PLA2R1: variants seen among roughly 807,000 people sequenced by gnomAD.
The protein encoded by PLA2R1 is phospholipase A2 receptor 1, also known as secretory phospholipase A2 receptor.
In PLA2R1, 158 loss-of-function variants were observed where a neutral mutation model predicts 195.9. The observed-to-expected ratio is 0.81, with a 90% CI of 0.71 to 0.92. PLA2R1 has a LOEUF of 0.92. PLA2R1 is among the 40% of genes least tolerant of loss of function. The pLI is 0.00. For synonymous variants in PLA2R1, 586 were observed against 598.2 expected, an observed-to-expected ratio of 0.98 and a Z score of 0.30; for missense variants, 1,626 against 1,764.6, an observed-to-expected ratio of 0.92 and a Z score of 1.41.
chr2:160,032,380 AAAG>A (rs1342590565), intron 4 of PLA2R1, among the ~76,000 whole-genome samples: 2 of 152,260 alleles, frequency 1.3e-5, no homozygotes, highest in Non-Finnish European at 2.9e-5. Flanking sequence ...TTTAATCTAT[AAAG>A]AAGAAGTAAG....
chr2:159,979,933 A>G lies in PLA2R1; in HGVS notation c.2184-19T>C, dbSNP rs758853783. Reference sequence around the variant, plus strand: ...TTCTGTCCTGTAAAGAGAAGAAACAAAAGCTTTGCCTTTCCCATCAAATTT... The same window carrying G: ...TTCTGTCCTGTAAAGAGAAGAAACAGAAGCTTTGCCTTTCCCATCAAATTT... On this transcript the variant is annotated intron_variant, in intron 13 of 29. Transcript: ENST00000283243. 1 of 1,465,214 alleles carries G rather than the reference A, an allele frequency of 6.8e-7. No individual in the cohort carries two copies. Among genetic ancestry groups the G allele is most frequent in the South Asian group, 1.2e-5 (1 of 85,128 alleles). 90.8% of individuals were successfully genotyped at this position (1,465,214 alleles called of 1,614,324 possible).
At chr2:160,050,153 C>A (rs1441802443) in intron 1 of PLA2R1, among the ~76,000 whole-genome samples, 1 of 152,162 alleles carries the variant, frequency 6.6e-6, no homozygotes, top group Non-Finnish European at 1.5e-5. Context: ...ATTTAAAAAA[C>A]CAAGTGATAA....
At position 159,940,226 on chromosome 2, in the gene PLA2R1, T is replaced by C. The variant is rs1687027685; in HGVS notation, c.*1552A>G. The C allele has an allele frequency of 1.3e-5, 2 of 151,966 alleles. No homozygotes were observed. Among genetic ancestry groups the C allele is most frequent in the Admixed American group, 1.3e-4 (2 of 15,262 alleles). The allele number at this position is 151,966 out of a possible 1,614,324, so 9.4% of individuals were successfully genotyped here. A position where few individuals can be genotyped will look rare whatever the true frequency, so the allele number is the denominator to read the frequency against. On this transcript the variant is annotated 3_prime_UTR_variant, in exon 30 of 30. Transcript: ENST00000283243. ...CACACTCTCAGGGAGGCCCTGAGAG[T>C]CCCCCAGTTTCTCTCTATCATGGAA...
At chr2:160,032,824 G>C in intron 4 of PLA2R1, 135 bp downstream of exon 4, 1 of 692,204 alleles carries the variant, frequency 1.4e-6, no homozygotes, top group South Asian at 2.0e-5. Flanking sequence ...TTTTGGGTGA[G>C]AGTTTTGGGC....
chr2:160,021,578 G>C (rs148118906), intron 7 of PLA2R1, among the ~76,000 whole-genome samples: 21 of 152,196 alleles, frequency 1.4e-4, no homozygotes, highest in African/African-American at 4.3e-4. Flanking sequence ...CTAAACAATG[G>C]GGACACATGG....
At position 160,016,607 on chromosome 2, in the gene PLA2R1, C is replaced by A; in HGVS notation, c.1551+7G>T. The A allele has an allele frequency of 2.0e-6, 3 of 1,467,094 alleles. No homozygotes were observed. Among genetic ancestry groups the A allele is most frequent in the Non-Finnish European group, 2.9e-6 (3 of 1,046,470 alleles). 90.9% of individuals were successfully genotyped at this position (1,467,094 alleles called of 1,614,324 possible). A position where few individuals can be genotyped will look rare whatever the true frequency, so the allele number is the denominator to read the frequency against. ...TGTACCTAAATTGCAATGTTAACAGCACTTACCTCTTGACATCCTGATTCA... is the reference window on the plus strand; with the variant it reads ...TGTACCTAAATTGCAATGTTAACAGAACTTACCTCTTGACATCCTGATTCA... On this transcript the variant is annotated splice_region_variant and intron_variant, in intron 9 of 29. Transcript: ENST00000283243.
At chr2:159,995,898 T>C (rs924652403) in intron 11 of PLA2R1, among the ~76,000 whole-genome samples, 17 of 152,036 alleles carry the variant, frequency 1.1e-4, no homozygotes, top group African/African-American at 3.4e-4. Flanking sequence ...CTGATGAACC[T>C]ACAAGGACAC....
intron 3 of PLA2R1, among the ~76,000 whole-genome samples, chr2:160,038,142 T>C (rs1054199759): frequency 5.9e-5 from 9 of 152,218 alleles, no homozygotes; most frequent in Admixed American, 5.9e-4. Context: ...CTTTTGCGAA[T>C]TCTCTCTATT....
the PLA2R1 span, among the ~76,000 whole-genome samples, chr2:159,926,570 A>G: frequency 3.3e-5 from 5 of 152,270 alleles, no homozygotes; most frequent in African/African-American, 7.2e-5. Context: ...AAGTTGGGGG[A>G]AAAAAGATGG....
rs540329152 is a variant in PLA2R1 at position 159,962,433 on chromosome 2, G to C, written c.2904+5106C>G. On this transcript the variant is annotated intron_variant, in intron 20 of 29. Coordinates refer to ENST00000283243, the MANE Select transcript of PLA2R1 (RefSeq NM_007366.5). ...AAATATGAACACTTTTACACTGTTGGTGGGAGTGTAAATTAGTTAAACCAT... is the reference window on the plus strand; with the variant it reads ...AAATATGAACACTTTTACACTGTTGCTGGGAGTGTAAATTAGTTAAACCAT... Among the ~76,000 whole-genome samples the C allele has an allele frequency of 2.6e-5, 4 of 152,332 alleles. No homozygotes were observed. In the East Asian group the frequency reaches 7.7e-4, roughly 29 times the overall value.
At chr2:159,989,756 A>G (rs1262909456) in intron 11 of PLA2R1, among the ~76,000 whole-genome samples, 1 of 152,234 alleles carries the variant, frequency 6.6e-6, no homozygotes, top group Non-Finnish European at 1.5e-5. Context: ...TTTCATTACA[A>G]AAACTAGGGT....
At position 159,967,653 on chromosome 2, in the gene PLA2R1, T is replaced by G. The variant is rs1215407249; in HGVS notation, c.2790A>C (p.Ser930=). The G allele has an allele frequency of 1.9e-6, 3 of 1,613,810 alleles. No homozygotes were observed. The highest frequency in any genetic ancestry group is 2.5e-6 in the Non-Finnish European group (3 of 1,179,772). ...ITGLWGSEEC[S]VSMPSICKRK... ...GCTTACAGATACTAGGCATAGAAAC[T>G]GAACACTCTTCACTACCCCAGAGTC... Residue 930 remains serine, a synonymous_variant, in exon 20 of 30, where the codon TCA becomes TCC. Coordinates refer to ENST00000283243, the MANE Select transcript of PLA2R1 (RefSeq NM_007366.5).
chr2:160,053,724 G>T (rs935956072), intron 1 of PLA2R1, among the ~76,000 whole-genome samples: 2 of 152,270 alleles, frequency 1.3e-5, no homozygotes, highest in African/African-American at 4.8e-5. Context: ...ACTGTGTGCA[G>T]CAGGCAGCAT....
chr2:160,007,296 G>A (rs140542497), intron 10 of PLA2R1, among the ~76,000 whole-genome samples: 2 of 152,318 alleles, frequency 1.3e-5, no homozygotes, highest in East Asian at 3.9e-4. Flanking sequence ...GGTCAGGGAA[G>A]TGCTGGGAGG....
In PLA2R1 at chr2:159,976,070, C is replaced by G; in HGVS notation, c.2593G>C (p.Ala865Pro). 6.2e-7 allele frequency: 1 copy of G among 1,611,876 alleles called. No homozygotes were observed. Among genetic ancestry groups the G allele is most frequent in the Non-Finnish European group, 8.5e-7 (1 of 1,178,784 alleles). Residue 865 changes from alanine (A) to proline (P), a missense_variant and splice_region_variant, in exon 17 of 30, where the codon GCG (alanine) becomes CCG (proline). Coordinates refer to ENST00000283243, the MANE Select transcript of PLA2R1 (RefSeq NM_007366.5). ...CGTGGTGAGTTATGTTCAAGTACCG[C>G]TTTTATTTTGCTGTGGATGAATTCT... Reference protein sequence around the residue: ...EQEFIHSKIKALSKYGASWWI... With the variant: ...EQEFIHSKIKPLSKYGASWWI...
At chr2:159,976,283 C>A in intron 16 of PLA2R1, 58 bp from the exon 17 acceptor site, 4 of 1,263,878 alleles carry the variant, frequency 3.2e-6, no homozygotes, top group Non-Finnish European at 3.3e-6. Context: ...CTAGGATTGA[C>A]CCCAAATTTG....
intron 13 of PLA2R1, among the ~76,000 whole-genome samples, chr2:159,982,492 A>G (rs1329240513): frequency 6.6e-6 from 1 of 152,198 alleles, no homozygotes; most frequent in Non-Finnish European, 1.5e-5. Context: ...GGTCAAAGAA[A>G]GTGCTTCCTT....
At chr2:160,055,160 A>T (rs923496907) in intron 1 of PLA2R1, among the ~76,000 whole-genome samples, 4 of 152,212 alleles carry the variant, frequency 2.6e-5, no homozygotes, top group Non-Finnish European at 4.4e-5. Flanking sequence ...AGAAAGAGTA[A>T]ATAGGACCAG....
chr2:160,002,314 A>C (rs1302683824), intron 11 of PLA2R1, among the ~76,000 whole-genome samples: 2 of 152,044 alleles, frequency 1.3e-5, no homozygotes, highest in African/African-American at 4.8e-5. Flanking sequence ...GGAAGGAAGT[A>C]GGAAGCCTCA....
Sources: gnomAD v4.1 joint callset for allele counts (sites outside exome capture counted in the v4.1 genomes callset) on GRCh38, gnomAD v4.1.1 for gene constraint, MANE v1.5 for transcripts, NCBI Gene and HGNC (gene_info 2026-07-23, HGNC 2026-07-21) for gene names.